The following PPFIBP2 variants were observed in gnomAD, a reference collection of about 807,000 sequenced individuals.
PPFIBP2 encodes the protein liprin-beta-2.
PPFIBP2 carries 118 observed loss-of-function variants against 118.3 expected under a neutral mutation model. The observed-to-expected ratio is 1.00, with a 90% confidence interval of 0.86 to 1.16. The LOEUF (loss-of-function observed/expected upper bound fraction) is 1.16. Ranked by LOEUF, PPFIBP2 falls within the 50% of genes most tolerant of loss-of-function variation. The pLI, the probability that PPFIBP2 is intolerant of heterozygous loss-of-function variation, is 0.00. For missense variants in PPFIBP2, 1,195 were observed against 1,073.1 expected, an observed-to-expected ratio of 1.11 and a Z score of -1.59; for synonymous variants, 414 against 397.4, an observed-to-expected ratio of 1.04 and a Z score of -0.50.
chr11:7,648,999 C>T, intron 19 of PPFIBP2, 88 bp downstream of exon 19: 1 of 1,356,544 alleles, frequency 7.4e-7, no homozygotes, highest in Non-Finnish European at 1.0e-6. Flanking sequence ...ACCTCAAGGA[C>T]AGCTGTCTCC....
the PPFIBP2 span, chr11:7,666,549 G>C: frequency 1.9e-6 from 3 of 1,611,544 alleles, no homozygotes; most frequent in Non-Finnish European, 2.5e-6. Context: ...ATCCTCCTCT[G>C]TCTAGAAAAG....
intron 3 of PPFIBP2, chr11:7,577,670 G>A (rs756638252): frequency 3.1e-5 from 14 of 455,028 alleles, no homozygotes; most frequent in Middle Eastern, 3.2e-4. Context: ...CTGGGTCTCC[G>A]TGGAGATAAG....
intron 1 of PPFIBP2, among the ~76,000 whole-genome samples, chr11:7,524,506 A>G (rs1299441103): frequency 1.3e-5 from 2 of 152,226 alleles, no homozygotes; most frequent in East Asian, 1.9e-4. Flanking sequence ...AGGTCAGGGT[A>G]GTGTTATTCC....
At chr11:7,617,090 T>C (rs1255212517) in intron 6 of PPFIBP2, 1 of 984,636 alleles carries the variant, frequency 1.0e-6, no homozygotes, top group Non-Finnish European at 1.2e-6. Context: ...TGCTTTTCTC[T>C]TCTTTCTTTT....
intron 7 of PPFIBP2, 56 bp downstream of exon 7, chr11:7,621,083 C>G (rs2135619439): frequency 7.2e-7 from 1 of 1,385,834 alleles, no homozygotes; most frequent in East Asian, 2.3e-5. Context: ...TGGGGAGGGT[C>G]TGCATTCCAA....
At chr11:7,558,375 A>G (rs1853880091) in intron 2 of PPFIBP2, among the ~76,000 whole-genome samples, 1 of 152,234 alleles carries the variant, frequency 6.6e-6, no homozygotes, top group African/African-American at 2.4e-5. Flanking sequence ...CTGTGAGCCT[A>G]CTATGAATGC....
intron 23 of PPFIBP2, among the ~76,000 whole-genome samples, chr11:7,652,591 G>A (rs1180053149): frequency 1.3e-5 from 2 of 152,224 alleles, no homozygotes; most frequent in Non-Finnish European, 2.9e-5. Flanking sequence ...CGCTAGGGCA[G>A]GGAGCAACCT....
intron 3 of PPFIBP2, among the ~76,000 whole-genome samples, chr11:7,591,314 G>C (rs1490155582): frequency 6.6e-6 from 1 of 151,758 alleles, no homozygotes. Flanking sequence ...GTGCTAGGTG[G>C]CTCCGTGTCC....
chr11:7,644,813 G>C (rs1285784837), intron 17 of PPFIBP2, among the ~76,000 whole-genome samples: 4 of 151,662 alleles, frequency 2.6e-5, no homozygotes, highest in African/African-American at 4.8e-5. Flanking sequence ...GGATCACGAG[G>C]TCAGGAGATC....
intron 6 of PPFIBP2, 75 bp downstream of exon 6, chr11:7,610,497 A>T: frequency 6.4e-7 from 1 of 1,574,310 alleles, no homozygotes; most frequent in Non-Finnish European, 8.6e-7. Context: ...CCATCTGGTC[A>T]ACTCCCAGCC....
chr11:7,526,292 C>T (rs553643529), intron 1 of PPFIBP2, among the ~76,000 whole-genome samples: 2 of 152,186 alleles, frequency 1.3e-5, no homozygotes, highest in African/African-American at 2.4e-5. Context: ...AAAAGGCTCT[C>T]TGGGGATCCC....
At chr11:7,663,712 C>T in the PPFIBP2 span, among the ~76,000 whole-genome samples, 1 of 152,256 alleles carries the variant, frequency 6.6e-6, no homozygotes, top group Non-Finnish European at 1.5e-5. Context: ...TTTACCTAAG[C>T]AAGCCTGGGT....
the PPFIBP2 span, among the ~76,000 whole-genome samples, chr11:7,663,437 G>A: frequency 6.6e-6 from 1 of 152,036 alleles, no homozygotes. Context: ...CCTGCTGGGG[G>A]GTGCCTCCCA....
chr11:7,583,779 G>T (rs576005707), intron 3 of PPFIBP2, among the ~76,000 whole-genome samples: 41 of 152,328 alleles, frequency 2.7e-4, no homozygotes, highest in Non-Finnish European at 4.1e-4. Flanking sequence ...CTGATGGCCA[G>T]TTTATCTTCA....
intron 6 of PPFIBP2, among the ~76,000 whole-genome samples, chr11:7,617,572 T>C (rs1313154088): frequency 6.6e-6 from 1 of 152,162 alleles, no homozygotes; most frequent in Non-Finnish European, 1.5e-5. Flanking sequence ...CTCCGAGTGA[T>C]GGGGCATTTG....
intron 14 of PPFIBP2, among the ~76,000 whole-genome samples, chr11:7,635,855 A>G (rs1168683252): frequency 1.3e-5 from 2 of 152,308 alleles, no homozygotes; most frequent in South Asian, 2.1e-4. Context: ...ATCTTTAACA[A>G]AGTAATCTAG....
intron 2 of PPFIBP2, among the ~76,000 whole-genome samples, chr11:7,552,024 A>G (rs1357817991): frequency 6.6e-6 from 1 of 152,198 alleles, no homozygotes; most frequent in African/African-American, 2.4e-5. Flanking sequence ...TCCATCTTGG[A>G]AGGTTCTATC....
intron 1 of PPFIBP2, among the ~76,000 whole-genome samples, chr11:7,536,515 G>T (rs1851230779): frequency 6.6e-6 from 1 of 152,152 alleles, no homozygotes; most frequent in Admixed American, 6.5e-5. Flanking sequence ...CGAAGATTAG[G>T]GGTCACAGGG....
intron 9 of PPFIBP2, 112 bp from the exon 10 acceptor site, chr11:7,629,347 T>C: frequency 9.6e-7 from 1 of 1,042,270 alleles, no homozygotes; most frequent in Non-Finnish European, 1.5e-6. Flanking sequence ...TTTCCTTTGG[T>C]TCCACGTGGG....
Sources: gnomAD v4.1 joint callset for allele counts (sites outside exome capture counted in the v4.1 genomes callset) on GRCh38, gnomAD v4.1.1 for gene constraint, MANE v1.5 for transcripts, NCBI Gene and HGNC (gene_info 2026-07-23, HGNC 2026-07-21) for gene names.